The following KCNH8 variants were observed in gnomAD, a reference collection of about 807,000 sequenced individuals.
KCNH8 encodes the protein voltage-gated delayed rectifier potassium channel KCNH8.
A neutral mutation model predicts 103.6 loss-of-function variants in KCNH8; 70 were observed. The ratio of observed to expected loss-of-function variants is 0.68; its 90% CI spans 0.56 to 0.82. The LOEUF is 0.82. Among genes scored for constraint, KCNH8 ranks in the 40% least tolerant of loss-of-function variants. KCNH8 has a pLI of 0.00. For synonymous variants in KCNH8, 498 were observed against 489.4 expected, an observed-to-expected ratio of 1.02 and a Z score of -0.23; for missense variants, 1,217 against 1,329.9, an observed-to-expected ratio of 0.92 and a Z score of 1.32.
chr3:19,360,755 T>C (rs2065937506), intron 5 of KCNH8, among the ~76,000 whole-genome samples: 1 of 152,036 alleles, frequency 6.6e-6, no homozygotes, highest in South Asian at 2.1e-4. Context: ...TTATAATAAT[T>C]TCTTGTGTAT....
intron 1 of KCNH8, among the ~76,000 whole-genome samples, chr3:19,159,322 A>C (rs1407009364): frequency 1.3e-5 from 2 of 151,708 alleles, no homozygotes; most frequent in Non-Finnish European, 2.9e-5. Flanking sequence ...ATATATATAC[A>C]CACAAATATA....
chr3:19,195,223 CT>C (rs1435606614), intron 1 of KCNH8, among the ~76,000 whole-genome samples: 1 of 151,886 alleles, frequency 6.6e-6, no homozygotes, highest in Admixed American at 6.6e-5. Context: ...GCCCTAACCC[CT>C]GTTCCAGTCA....
At chr3:19,319,372 C>G (rs2065319792) in intron 3 of KCNH8, among the ~76,000 whole-genome samples, 2 of 151,880 alleles carry the variant, frequency 1.3e-5, no homozygotes, top group Non-Finnish European at 2.9e-5. Context: ...CAGTTTCATT[C>G]TTCTACACGT....
intron 8 of KCNH8, among the ~76,000 whole-genome samples, chr3:19,440,697 C>T (rs2067270003): frequency 6.6e-6 from 1 of 152,134 alleles, no homozygotes; most frequent in African/African-American, 2.4e-5. Flanking sequence ...CAAACCATAT[C>T]AAGTGTATAA....
chr3:19,272,897 C>T (rs943407542), intron 2 of KCNH8, among the ~76,000 whole-genome samples: 6 of 152,090 alleles, frequency 3.9e-5, no homozygotes, highest in South Asian at 2.1e-4. Context: ...TTAGAATATA[C>T]GTCCTTTCAG....
chr3:19,252,429 G>A (rs1347491522), intron 1 of KCNH8, among the ~76,000 whole-genome samples: 2 of 149,954 alleles, frequency 1.3e-5, no homozygotes, highest in Non-Finnish European at 3.0e-5. Flanking sequence ...CGCTCTTGTT[G>A]CCCAGGCTGG....
chr3:19,467,911 C>A (rs2067776017), intron 11 of KCNH8, among the ~76,000 whole-genome samples: 1 of 152,042 alleles, frequency 6.6e-6, no homozygotes, highest in Non-Finnish European at 1.5e-5. Context: ...AACTGGCCTG[C>A]TTTCCCTTCC....
chr3:19,517,074 A>T (rs2068887112), intron 14 of KCNH8, among the ~76,000 whole-genome samples: 1 of 151,902 alleles, frequency 6.6e-6, no homozygotes, highest in South Asian at 2.1e-4. Flanking sequence ...AACCTCACAA[A>T]ATGCTGGGAT....
At chr3:19,480,589 G>A (rs186196569) in intron 11 of KCNH8, among the ~76,000 whole-genome samples, 4 of 152,288 alleles carry the variant, frequency 2.6e-5, no homozygotes, top group Non-Finnish European at 5.9e-5. Context: ...TTATAGAAAT[G>A]TCTTCATTCA....
intron 1 of KCNH8, among the ~76,000 whole-genome samples, chr3:19,163,833 G>A (rs1014601511): frequency 1.3e-5 from 2 of 152,062 alleles, no homozygotes; most frequent in Non-Finnish European, 2.9e-5. Flanking sequence ...TCCATTTAAT[G>A]AATAGTAAAT....
intron 11 of KCNH8, among the ~76,000 whole-genome samples, chr3:19,498,600 C>T (rs991521506): frequency 2.0e-5 from 3 of 152,218 alleles, no homozygotes; most frequent in African/African-American, 7.2e-5. Flanking sequence ...ATTCTCCATC[C>T]AGCTTTCTTC....
At chr3:19,326,249 C>T (rs2065421640) in intron 3 of KCNH8, among the ~76,000 whole-genome samples, 1 of 151,562 alleles carries the variant, frequency 6.6e-6, no homozygotes, top group Admixed American at 6.6e-5. Context: ...GGCTTAATAC[C>T]TGGATGATGA....
chr3:19,371,494 T>C (rs1253638722), intron 5 of KCNH8, among the ~76,000 whole-genome samples: 2 of 149,390 alleles, frequency 1.3e-5, no homozygotes, highest in Admixed American at 1.3e-4. Context: ...GAGTTCATTG[T>C]AGATTCTGGA....
chr3:19,511,104 C>A (rs978879697), intron 12 of KCNH8, among the ~76,000 whole-genome samples: 2 of 152,106 alleles, frequency 1.3e-5, no homozygotes, highest in Non-Finnish European at 2.9e-5. Flanking sequence ...ATCAACCTGT[C>A]ACCTACATTA....
intron 1 of KCNH8, among the ~76,000 whole-genome samples, chr3:19,153,635 CTTTTTTTTTTT>C (rs773828081): frequency 7.8e-6 from 1 of 128,916 alleles, no homozygotes; most frequent in Non-Finnish European, 1.7e-5. Context: ...TTTCTTTTTT[CTTTTTTTTTTT>C]TTTTTTAGAC....
At chr3:19,204,442 G>C (rs184516771) in intron 1 of KCNH8, among the ~76,000 whole-genome samples, 1,765 of 150,658 alleles carry the variant, frequency 0.012, 35 homozygotes, top group African/African-American at 0.04. Flanking sequence ...GAGAGAGAGT[G>C]TCTGTGTGTG....
intron 3 of KCNH8, among the ~76,000 whole-genome samples, chr3:19,335,467 GTATATATATGTGTGTGTATATATA>G (rs2065571288): frequency 8.6e-6 from 1 of 115,796 alleles, no homozygotes; most frequent in Non-Finnish European, 1.7e-5. Flanking sequence ...GTGTGTGTGT[GTATATATATGTGTGTGTATATATA>G]TATATATATA....
In KCNH8 at chr3:19,258,937, CTCTCTCTCTCTATATATA is replaced by C. The variant is rs1481618503; in HGVS notation, c.310+5052_310+5069del. Among the ~76,000 whole-genome samples the C allele has an allele frequency of 3.9e-3, 312 of 80,034 alleles. 3 individuals are homozygous for C. The highest frequency in any genetic ancestry group is 0.012 in the African/African-American group (239 of 19,310). 52.5% of individuals were successfully genotyped at this position (80,034 alleles called of 152,430 possible). ...TCTCTCTCTCTCTCTCTCTCTCTCT[CTCTCTCTCTCTATATATA>C]TATATATATATATATATATATATAT... On this transcript the variant is annotated intron_variant, in intron 2 of 15. Transcript: ENST00000328405.
Position 19,148,541 on chromosome 3 carries a change from C to A in KCNH8, c.-179C>A, listed in dbSNP as rs1381206189. ...GGGGCTCCTCCTGCCACAGCCGGGG[C>A]GGCTGGAACTCTCTCCCTTTCTCCC... On this transcript the variant is annotated 5_prime_UTR_variant, in exon 1 of 16. Transcript: ENST00000328405. 3.2e-6 allele frequency: 2 copies of A among 624,898 alleles called. No individual in the cohort carries two copies. The highest frequency in any genetic ancestry group is 2.8e-5 in the East Asian group (1 of 36,144). The allele number at this position is 624,898 out of a possible 1,614,324, so 38.7% of individuals were successfully genotyped here.
Sources: gnomAD v4.1 joint callset for allele counts (sites outside exome capture counted in the v4.1 genomes callset) on GRCh38, gnomAD v4.1.1 for gene constraint, MANE v1.5 for transcripts, NCBI Gene and HGNC (gene_info 2026-07-23, HGNC 2026-07-21) for gene names.